The following NMI variants were observed in gnomAD, a reference collection of about 807,000 sequenced individuals.
The protein encoded by NMI is N-myc and STAT interactor.
NMI carries 39 observed loss-of-function variants against 34.3 expected under a neutral mutation model. The ratio of observed to expected loss-of-function variants is 1.14; its 90% CI spans 0.88 to 1.49. The LOEUF is 1.49. Among genes scored for constraint, NMI ranks in the 40% most tolerant of loss-of-function variants. The probability of loss-of-function intolerance (pLI) is 0.00; values close to 1 mark genes in which losing one functional copy is unlikely to be tolerated. For synonymous variants in NMI, 113 were observed against 120.3 expected (o/e 0.94, Z 0.40); for missense variants, 339 against 358.1 (o/e 0.95, Z 0.43).
intron 3 of NMI, among the ~76,000 whole-genome samples, chr2:151,281,743 T>C (rs1236106509): frequency 6.6e-6 from 1 of 152,220 alleles, no homozygotes; most frequent in African/African-American, 2.4e-5. Context: ...GCTGTGTAGT[T>C]TTCTATCATA....
At chr2:151,277,378 A>C (rs898223136) in intron 4 of NMI, 2 of 152,204 alleles carry the variant, frequency 1.3e-5, no homozygotes, top group African/African-American at 4.8e-5. Context: ...GATCTGATAC[A>C]GCTGAGAGGG....
intron 1 of NMI, among the ~76,000 whole-genome samples, chr2:151,285,416 CAGAT>C (rs1449647981): frequency 4.0e-5 from 6 of 151,630 alleles, no homozygotes; most frequent in African/African-American, 1.5e-4. Context: ...AATAGACAGA[CAGAT>C]AGAAATACCT....
At chr2:151,280,661 G>A (rs771855806) in intron 3 of NMI, among the ~76,000 whole-genome samples, 4 of 152,130 alleles carry the variant, frequency 2.6e-5, no homozygotes, top group African/African-American at 9.7e-5. Flanking sequence ...GTCGACTAGG[G>A]CTGGCCGGTT....
In NMI at chr2:151,282,023, T is replaced by C. The variant is rs1573746684; in HGVS notation, c.102A>G (p.Thr34=). 2.0e-6 allele frequency: 3 copies of C among 1,487,910 alleles called. No homozygotes were observed. Among genetic ancestry groups the C allele is most frequent in the East Asian group, 2.3e-5 (1 of 44,290 alleles). 92.2% of individuals were successfully genotyped at this position (1,487,910 alleles called of 1,614,324 possible). Residue 34 remains threonine, a synonymous_variant, in exon 3 of 8, where the codon ACA becomes ACG. Transcript: ENST00000243346. ...CCTTCTTTAGTTGAATATTTTTCTTTGTAATTTCATCAATTAGTCCCTTAA... is the reference window on the plus strand; with the variant it reads ...CCTTCTTTAGTTGAATATTTTTCTTCGTAATTTCATCAATTAGTCCCTTAA... ...EQNKGLIDEI[T]KKNIQLKKEI... is the part of the protein sequence containing the mutation.
At chr2:151,282,653 A>C in intron 2 of NMI, 1 of 306,246 alleles carries the variant, frequency 3.3e-6, no homozygotes, top group Non-Finnish European at 6.0e-6. Context: ...GTGAGTGAGA[A>C]AGCAGCTAGT....
chr2:151,280,344 G>A (rs1459052222), intron 3 of NMI, among the ~76,000 whole-genome samples: 1 of 152,182 alleles, frequency 6.6e-6, no homozygotes, highest in Non-Finnish European at 1.5e-5. Flanking sequence ...TATTTTACAT[G>A]CTGAAAATAA....
chr2:151,275,081 A>C (rs888847626), intron 6 of NMI, among the ~76,000 whole-genome samples: 1 of 150,942 alleles, frequency 6.6e-6, no homozygotes, highest in African/African-American at 2.4e-5. Context: ...TCCTGGGTTC[A>C]AGTGATTCTC....
chr2:151,289,166 T>G (rs559928732), intron 1 of NMI: 1 of 135,330 alleles, frequency 7.4e-6, no homozygotes, highest in African/African-American at 2.8e-5. Flanking sequence ...GGCTGGAGAA[T>G]GGCGTGAACC....
chr2:151,280,551 A>G (rs1379060069), intron 3 of NMI, among the ~76,000 whole-genome samples: 1 of 152,182 alleles, frequency 6.6e-6, no homozygotes, highest in Non-Finnish European at 1.5e-5. Context: ...GGCTTTCTGA[A>G]ATTAGAGTGA....
chr2:151,283,609 C>T lies in NMI; in HGVS notation c.-6-655G>A, dbSNP rs547074943. On this transcript the variant is annotated intron_variant, in intron 1 of 7. Transcript: ENST00000243346. ...AATGAATACTATTTTGGTTTTCCAA[C>T]GTTTTTCAAAGTTTTTGATTAAAAT... is the stretch of plus-strand genomic sequence containing the variant. Among the ~76,000 whole-genome samples, 8 of 152,304 alleles carry T rather than the reference C, an allele frequency of 5.3e-5. No individual in the cohort carries two copies. The South Asian group carries it at 6.2e-4, about 12-fold the overall frequency.
chr2:151,270,618 A>G lies in NMI; in HGVS notation c.*75T>C, dbSNP rs772971190. On this transcript the variant is annotated 3_prime_UTR_variant, in exon 8 of 8. Coordinates refer to ENST00000243346, the MANE Select transcript of NMI (RefSeq NM_004688.3). ...AATTAAAGTTTTCATTTTTTAAGGAAAAGCATATTCATTTTTGTCAAACAT... is the reference window on the plus strand; with the variant it reads ...AATTAAAGTTTTCATTTTTTAAGGAGAAGCATATTCATTTTTGTCAAACAT... 10 of 1,212,840 alleles carry G rather than the reference A, an allele frequency of 8.2e-6. No individual in the cohort carries two copies. The highest frequency in any genetic ancestry group is 1.0e-5 in the Non-Finnish European group (9 of 862,690). 75.1% of individuals were successfully genotyped at this position (1,212,840 alleles called of 1,614,324 possible).
chr2:151,280,015 G>A (rs1046250990), intron 3 of NMI, among the ~76,000 whole-genome samples: 5 of 151,938 alleles, frequency 3.3e-5, no homozygotes, highest in African/African-American at 1.2e-4. Context: ...GGCCAACATG[G>A]TAAAACCCAT....
intron 6 of NMI, among the ~76,000 whole-genome samples, chr2:151,272,462 A>T (rs111922398): frequency 1.1e-4 from 16 of 152,348 alleles, no homozygotes; most frequent in African/African-American, 3.8e-4. Flanking sequence ...TGAAACCCTG[A>T]GGCAATGCTG....
chr2:151,285,502 C>T (rs190757391), intron 1 of NMI, among the ~76,000 whole-genome samples: 3 of 150,890 alleles, frequency 2.0e-5, no homozygotes, highest in East Asian at 3.9e-4. Flanking sequence ...GCAGGAGAAT[C>T]GCTTGAAGCC....
chr2:151,287,486 C>T (rs546944748), intron 1 of NMI, among the ~76,000 whole-genome samples: 130 of 152,224 alleles, frequency 8.5e-4, no homozygotes, highest in South Asian at 5.2e-3. Flanking sequence ...AGTTCCCTAA[C>T]CACACTGAAC....
intron 7 of NMI, among the ~76,000 whole-genome samples, chr2:151,271,214 G>A (rs1395620500): frequency 1.3e-5 from 2 of 152,164 alleles, no homozygotes; most frequent in Non-Finnish European, 2.9e-5. Context: ...TTTTAAGTTG[G>A]TGGAGTAGGT....
intron 2 of NMI, among the ~76,000 whole-genome samples, chr2:151,282,508 T>C (rs6751802): frequency 0.6 from 90,582 of 151,998 alleles, 27,264 homozygotes; most frequent in Admixed American, 0.66. Flanking sequence ...TAGTACACAG[T>C]TACCTTAATG....
rs771840170 is a variant in NMI, at chr2:151,278,918, A to AAGTT, written c.249_250insAACT (p.Ser84AsnfsTer17). 317 of 1,612,696 alleles carry AAGTT rather than the reference A, an allele frequency of 2.0e-4. No homozygotes were observed. The highest frequency in any genetic ancestry group is 2.5e-4 in the Non-Finnish European group (298 of 1,178,898). ...ACTTGAAACGAACAGGAGATATTTG[A>AAGTT]CAACTGGCTGTCATTCTCAGGAGTT... On this transcript the variant is annotated frameshift_variant, in exon 4 of 8. Coordinates refer to ENST00000243346, the MANE Select transcript of NMI (RefSeq NM_004688.3). LOFTEE classifies it high-confidence loss of function.
rs59409377 is a variant in NMI at position 151,284,598 on chromosome 2, T to C, written c.-6-1644A>G. On this transcript the variant is annotated intron_variant, in intron 1 of 7. Transcript: ENST00000243346. The stretch of plus-strand genomic sequence containing the variant: ...GCCACCATGCCTGTCCCCACAGGCA[T>C]TGACTAAATGTTTTTTTTTTGGAGA... Among the ~76,000 whole-genome samples, 18 of 152,260 alleles carry C rather than the reference T, an allele frequency of 1.2e-4. No homozygotes were observed. In the East Asian group the frequency reaches 2.9e-3, roughly 24 times the overall value.
Sources: allele counts gnomAD v4.1 joint callset (sites outside exome capture counted in the v4.1 genomes callset), GRCh38; gene constraint gnomAD v4.1.1; transcripts MANE v1.5; gene names NCBI Gene and HGNC (gene_info 2026-07-23, HGNC 2026-07-21).